Variants in ASB8 observed in about 807,000 individuals in gnomAD.
ASB8 encodes the protein ankyrin repeat and SOCS box containing 8.
Under a neutral mutation model 22.9 loss-of-function variants are expected in ASB8, and 15 were observed. That is an observed-to-expected ratio of 0.66 (90% confidence interval 0.44 to 1.01). The LOEUF (loss-of-function observed/expected upper bound fraction) is 1.01. ASB8 is among the 50% of genes least tolerant of loss of function. ASB8 has a pLI of 0.00. For missense variants in ASB8, 294 were observed against 356.9 expected (o/e 0.82, Z 1.42); for synonymous variants, 124 against 140.8 (o/e 0.88, Z 0.84).
Position 48,149,934 on chromosome 12 carries a change from C to T in ASB8, c.299G>A (p.Cys100Tyr). The T allele has an allele frequency of 2.5e-6, 4 of 1,614,120 alleles. No homozygotes were observed. Among genetic ancestry groups the T allele is most frequent in the Non-Finnish European group, 3.4e-6 (4 of 1,179,950 alleles). Residue 100 changes from cysteine to tyrosine, a missense_variant, in exon 4 of 4, where the codon TGT (cysteine) becomes TAT (tyrosine). By Grantham distance (194) the Cys-to-Tyr change is radical. Transcript: ENST00000317697. ...ACCATACTCCAATAGGACCTCCACACAAGCCTCATCTTTCTCTGCTGCATA... is the reference window on the plus strand; with the variant it reads ...ACCATACTCCAATAGGACCTCCACATAAGCCTCATCTTTCTCTGCTGCATA... ...LHYAAEKDEA[C>Y]VEVLLEYGAN...
rs34031535 is a variant in ASB8, at chr12:48,148,658, G to GTTTTTTTTTTTTTTTT, written c.*692_*707dup. 3.2e-5 allele frequency: 2 copies of GTTTTTTTTTTTTTTTT among 62,756 alleles called. No homozygotes were observed. The highest frequency in any genetic ancestry group is 5.8e-5 in the Non-Finnish European group (2 of 34,518). The allele number at this position is 62,756 out of a possible 1,614,324, so 3.9% of individuals were successfully genotyped here. ...GTTTTTTCACAGATCAATTAAAATG[G>GTTTTTTTTTTTTTTTT]TTTTTTTTTTTTTTTTTTTTTTTTG... is the stretch of plus-strand genomic sequence containing the variant. On this transcript the variant is annotated 3_prime_UTR_variant, in exon 4 of 4. Coordinates refer to ENST00000317697, the MANE Select transcript of ASB8 (RefSeq NM_024095.5).
In ASB8 at chr12:48,153,350, C is replaced by A; in HGVS notation, c.129+18G>T. ...CTTCATATCGCAAGGACTCTCCTGT[C>A]AATACCAGCACACTCACCCCTCTGA... is the stretch of plus-strand genomic sequence containing the variant. On this transcript the variant is annotated intron_variant, in intron 2 of 3. Transcript: ENST00000317697. 1.2e-6 allele frequency: 2 copies of A among 1,613,556 alleles called. No individual in the cohort carries two copies. Among genetic ancestry groups the A allele is most frequent in the South Asian group, 2.2e-5 (2 of 91,022 alleles).
In ASB8 at chr12:48,149,358, T is replaced by A. The variant is rs1329354767; in HGVS notation, c.*8A>T. ...CTGCCTGCACGATGGTGCAAACATC[T>A]TCTCCGGCTATTCTAAAAGTAACAG... On this transcript the variant is annotated 3_prime_UTR_variant, in exon 4 of 4. Transcript: ENST00000317697. 1.2e-6 allele frequency: 2 copies of A among 1,610,712 alleles called. No individual in the cohort carries two copies. The highest frequency in any genetic ancestry group is 1.7e-6 in the Non-Finnish European group (2 of 1,177,702).
chr12:48,156,024 G>A (rs959246007), intron 1 of ASB8, among the ~76,000 whole-genome samples: 2 of 151,876 alleles, frequency 1.3e-5, no homozygotes, highest in African/African-American at 4.8e-5. Context: ...TCATCCACCT[G>A]CTTTGGCCTC....
In ASB8 at chr12:48,148,682, T is replaced by TG. The variant is rs1951142577; in HGVS notation, c.*683dup. ...GGTTTTTTTTTTTTTTTTTTTTTTT[T>TG]GAGACAGTTTTGCTCTTGTTGTCCA... On this transcript the variant is annotated 3_prime_UTR_variant, in exon 4 of 4. Transcript: ENST00000317697. 1 of 129,106 alleles carries TG rather than the reference T, an allele frequency of 7.7e-6. No individual in the cohort carries two copies. The highest frequency in any genetic ancestry group is 2.7e-5 in the African/African-American group (1 of 36,754). 8.0% of individuals were successfully genotyped at this position (129,106 alleles called of 1,614,324 possible).
At chr12:48,150,653 A>G (rs570352726) in intron 3 of ASB8, among the ~76,000 whole-genome samples, 2 of 152,300 alleles carry the variant, frequency 1.3e-5, no homozygotes, top group East Asian at 3.9e-4. Flanking sequence ...TTTTTCTTCA[A>G]ATTTCCAAAT....
rs1349960174 is a variant in ASB8, at chr12:48,149,930, C to T, written c.303G>A (p.Val101=). The T allele has an allele frequency of 1.2e-6, 2 of 1,614,134 alleles. No homozygotes were observed. The highest frequency in any genetic ancestry group is 2.2e-5 in the East Asian group (1 of 44,890). Residue 101 remains valine, a synonymous_variant, in exon 4 of 4, where the codon GTG becomes GTA. Coordinates refer to ENST00000317697, the MANE Select transcript of ASB8 (RefSeq NM_024095.5). ...TTGCACCATACTCCAATAGGACCTC[C>T]ACACAAGCCTCATCTTTCTCTGCTG... ...HYAAEKDEAC[V]EVLLEYGANP...
Position 48,149,284 on chromosome 12 carries a change from T to C in ASB8, c.*82A>G. On this transcript the variant is annotated 3_prime_UTR_variant, in exon 4 of 4. Coordinates refer to ENST00000317697, the MANE Select transcript of ASB8 (RefSeq NM_024095.5). Reference sequence around the variant, plus strand: ...AAACCACACAACAGGAACAACTGTTTTTCTGTTTTCTGTGACAAGGAGTAC... The same window carrying C: ...AAACCACACAACAGGAACAACTGTTCTTCTGTTTTCTGTGACAAGGAGTAC... 1 of 1,410,726 alleles carries C rather than the reference T, an allele frequency of 7.1e-7. No homozygotes were observed. The highest frequency in any genetic ancestry group is 2.4e-4 in the Middle Eastern group (1 of 4,156). The allele number at this position is 1,410,726 out of a possible 1,614,324, so 87.4% of individuals were successfully genotyped here. A position where few individuals can be genotyped will look rare whatever the true frequency, so the allele number is the denominator to read the frequency against.
rs1264512591 is a variant in ASB8, at chr12:48,149,194, TGTTTG to T, written c.*167_*171del. The T allele has an allele frequency of 1.5e-6, 1 of 671,294 alleles. No individual in the cohort carries two copies. The highest frequency in any genetic ancestry group is 2.4e-6 in the Non-Finnish European group (1 of 415,612). The allele number at this position is 671,294 out of a possible 1,614,324, so 41.6% of individuals were successfully genotyped here. On this transcript the variant is annotated 3_prime_UTR_variant, in exon 4 of 4. Coordinates refer to ENST00000317697, the MANE Select transcript of ASB8 (RefSeq NM_024095.5). ...AAGTGAGGGATTTTTTTTGTTGGGT[TGTTTG>T]GTTTGGGAAGGGGAGGTGCTATGGA...
At position 48,147,987 on chromosome 12, in the gene ASB8, C is replaced by A. The variant is rs1004562091; in HGVS notation, c.*1379G>T. 11 of 152,046 alleles carry A rather than the reference C, an allele frequency of 7.2e-5. No homozygotes were observed. The highest frequency in any genetic ancestry group is 1.3e-4 in the Non-Finnish European group (9 of 68,012). 9.4% of individuals were successfully genotyped at this position (152,046 alleles called of 1,614,324 possible). On this transcript the variant is annotated 3_prime_UTR_variant, in exon 4 of 4. Coordinates refer to ENST00000317697, the MANE Select transcript of ASB8 (RefSeq NM_024095.5). ...CATCTAAAATCAATAACAACTTGAT[C>A]TAATTTAGAAAAATGAAAGAGTATC...
Position 48,151,197 on chromosome 12 carries a change from T to G in ASB8, c.234+4A>C. On this transcript the variant is annotated splice_donor_region_variant and intron_variant, in intron 3 of 3. Transcript: ENST00000317697. ...CATTAATGTGAATGTGTTAAAAACATTACCTCGGCTCCTTTTTCCAGAAGT... is the reference window on the plus strand; with the variant it reads ...CATTAATGTGAATGTGTTAAAAACAGTACCTCGGCTCCTTTTTCCAGAAGT... 1.2e-6 allele frequency: 2 copies of G among 1,601,690 alleles called. No individual in the cohort carries two copies. Among genetic ancestry groups the G allele is most frequent in the Non-Finnish European group, 1.7e-6 (2 of 1,168,590 alleles).
chr12:48,149,986 C>T lies in ASB8; in HGVS notation c.247G>A (p.Asp83Asn). The change falls in exon 4 of 4, where the codon GAT becomes AAT. Residue 83 changes from aspartate (D) to asparagine (N), a missense_variant. Coordinates refer to ENST00000317697, the MANE Select transcript of ASB8 (RefSeq NM_024095.5). The stretch of plus-strand genomic sequence containing the variant: ...TGGAGGGCTGTTCGGTTATACCCAT[C>T]CAGGGCATTCACCTGTAAAAAGGGA... ...LEKGAEVNAL[D>N]GYNRTALHYA... 6.2e-7 allele frequency: 1 copy of T among 1,613,126 alleles called. No individual in the cohort carries two copies. The highest frequency in any genetic ancestry group is 1.1e-5 in the South Asian group (1 of 91,022).
intron 1 of ASB8, among the ~76,000 whole-genome samples, chr12:48,156,930 GT>G (rs1951314356): frequency 1.4e-5 from 2 of 138,456 alleles, no homozygotes; most frequent in African/African-American, 5.5e-5. Flanking sequence ...TGTCTCCCTC[GT>G]TTTCTTTTGC....
In ASB8 at chr12:48,150,002, T is replaced by C; in HGVS notation, c.235-4A>G. 6.2e-7 allele frequency: 1 copy of C among 1,610,916 alleles called. No homozygotes were observed. Among genetic ancestry groups the C allele is most frequent in the Non-Finnish European group, 8.5e-7 (1 of 1,177,612 alleles). On this transcript the variant is annotated splice_polypyrimidine_tract_variant and splice_region_variant and intron_variant, in intron 3 of 3. Coordinates refer to ENST00000317697, the MANE Select transcript of ASB8 (RefSeq NM_024095.5). ...TATACCCATCCAGGGCATTCACCTG[T>C]AAAAAGGGAGGAACTATTACAGTAG...
At chr12:48,155,589 T>C (rs1951287136) in intron 1 of ASB8, among the ~76,000 whole-genome samples, 1 of 150,928 alleles carries the variant, frequency 6.6e-6, no homozygotes, top group Non-Finnish European at 1.5e-5. Flanking sequence ...CCAGGCATGG[T>C]GGCATGCACC....
Position 48,150,338 on chromosome 12 carries a change from C to T in ASB8, c.235-340G>A, listed in dbSNP as rs184042985. On this transcript the variant is annotated intron_variant, in intron 3 of 3. Transcript: ENST00000317697. ...GGCAGGAATAGAGGAAGTCTAAGTC[C>T]CCGTAACTGCTCTGAAACATTACTG... 6.2e-4 allele frequency among the ~76,000 whole-genome samples: 95 copies of T among 152,284 alleles called. 1 individual carries two copies. The highest frequency in any genetic ancestry group is 2.2e-3 in the African/African-American group (92 of 41,560).
intron 1 of ASB8, 104 bp from the exon 2 acceptor site, chr12:48,153,633 G>A (rs1951239819): frequency 1.2e-6 from 1 of 839,146 alleles, no homozygotes; most frequent in Non-Finnish European, 1.8e-6. Flanking sequence ...AGATTTCAAG[G>A]AGTGATTAAT....
intron 1 of ASB8, among the ~76,000 whole-genome samples, chr12:48,155,647 T>C (rs1214891883): frequency 1.3e-5 from 2 of 150,144 alleles, no homozygotes; most frequent in African/African-American, 4.9e-5. Context: ...GGAGAATCGC[T>C]TGAACCTGGG....
chr12:48,152,011 G>A (rs1344363515), intron 2 of ASB8, among the ~76,000 whole-genome samples: 1 of 152,154 alleles, frequency 6.6e-6, no homozygotes, highest in Non-Finnish European at 1.5e-5. Context: ...AACTAGCTGG[G>A]TGTGGTGGCG....
Sources: gnomAD v4.1 joint callset for allele counts (sites outside exome capture counted in the v4.1 genomes callset) on GRCh38, gnomAD v4.1.1 for gene constraint, MANE v1.5 for transcripts, NCBI Gene and HGNC (gene_info 2026-07-23, HGNC 2026-07-21) for gene names.